Variants in RYR1 observed in about 807,000 individuals in gnomAD.
The protein encoded by RYR1 is ryanodine receptor 1.
Under a neutral mutation model 583.5 loss-of-function variants are expected in RYR1, and 342 were observed. The observed-to-expected ratio is 0.59, with a 90% CI of 0.54 to 0.64. The LOEUF is 0.64. RYR1 is among the 30% of genes least tolerant of loss of function. RYR1 has a pLI of 0.00. For synonymous variants in RYR1, 2,791 were observed against 2,822.5 expected (o/e 0.99, Z 0.35); for missense variants, 6,032 against 6,917.2 (o/e 0.87, Z 4.54).
At chr19:38,435,628 C>T (rs769094130) in intron 1 of RYR1, among the ~76,000 whole-genome samples, 5 of 152,026 alleles carry the variant, frequency 3.3e-5, no homozygotes, top group East Asian at 1.9e-4. Context: ...CTTAGCTACT[C>T]GGGAGGCTGA....
intron 20 of RYR1, among the ~76,000 whole-genome samples, chr19:38,461,907 G>T (rs1967773154): frequency 1.3e-5 from 2 of 151,564 alleles, no homozygotes; most frequent in Non-Finnish European, 2.9e-5. Context: ...ATACAAAAAT[G>T]AGCCAGGCAT....
chr19:38,584,126 A>G, intron 101 of RYR1, among the ~76,000 whole-genome samples: 1 of 151,968 alleles, frequency 6.6e-6, no homozygotes, highest in South Asian at 2.1e-4. Context: ...CCTAGGCTGG[A>G]TCAGATGCCT....
At position 38,516,211 on chromosome 19, in the gene RYR1, C is replaced by A. The variant is rs765250427; in HGVS notation, c.9679C>A (p.Arg3227=). The A allele has an allele frequency of 5.7e-6, 9 of 1,585,682 alleles. No individual in the cohort carries two copies. In the Admixed American group the frequency reaches 1.2e-4, roughly 22 times the overall value. Residue 3227 remains arginine, a synonymous_variant, in exon 65 of 106, where the codon CGG becomes AGG. Transcript: ENST00000359596. ...SVYTTKSPRE[R]AILGLPNSVE... is the part of the protein sequence containing the mutation. ...GTACACCACCAAGTCTCCGCGGGAG[C>A]GGGCCAGTAAGCTGTGTGGGGCGGG...
At chr19:38,527,189 A>G (rs1291199051) in intron 72 of RYR1, 137 bp downstream of exon 72, 5 of 937,144 alleles carry the variant, frequency 5.3e-6, no homozygotes, top group Non-Finnish European at 8.3e-6. Context: ...AGCCTGGCCA[A>G]TGTGGCGAAA....
At chr19:38,529,885 C>G (rs1328647544) in intron 76 of RYR1, among the ~76,000 whole-genome samples, 1 of 152,182 alleles carries the variant, frequency 6.6e-6, no homozygotes, top group Non-Finnish European at 1.5e-5. Context: ...TATATCCTCT[C>G]ACTTAACCGC....
Position 38,546,446 on chromosome 19 carries a change from A to T in RYR1, c.12014A>T (p.Asp4005Val). 6.2e-7 allele frequency: 1 copy of T among 1,613,652 alleles called. No homozygotes were observed. Among genetic ancestry groups the T allele is most frequent in the Non-Finnish European group, 8.5e-7 (1 of 1,179,854 alleles). ...FAHMMMKLAQDSSQIELLKEL... is the reference protein window; with the variant it reads ...FAHMMMKLAQVSSQIELLKEL... ...CCCTCACCGAGCTGGGATCTCTAGG[A>T]CTCAAGCCAGATCGAGCTGCTGAAG... Residue 4005 changes from aspartate to valine, a missense_variant and splice_region_variant, in exon 88 of 106, where the codon GAC becomes GTC. Around this residue, in one of 11 missense-constraint regions of RYR1, gnomAD observed 82 missense variants for 139.7 expected, o/e 0.59. Coordinates refer to ENST00000359596, the MANE Select transcript of RYR1 (RefSeq NM_000540.3).
intron 18 of RYR1, among the ~76,000 whole-genome samples, 180 bp from the exon 19 acceptor site, chr19:38,458,966 A>G (rs1967580682): frequency 6.6e-6 from 1 of 152,196 alleles, no homozygotes; most frequent in South Asian, 2.1e-4. Flanking sequence ...TCCTAACTTC[A>G]GGGGAACCCT....
intron 33 of RYR1, 81 bp from the exon 34 acceptor site, chr19:38,485,509 G>C: frequency 1.3e-6 from 2 of 1,562,022 alleles, no homozygotes; most frequent in Non-Finnish European, 1.7e-6. Flanking sequence ...AGTGATGAAG[G>C]AAATGGAGGA....
At chr19:38,476,379 A>G (rs971588391) in intron 29 of RYR1, among the ~76,000 whole-genome samples, 1 of 152,110 alleles carries the variant, frequency 6.6e-6, no homozygotes, top group Non-Finnish European at 1.5e-5. Flanking sequence ...TTGTGTTTTT[A>G]GTAGAAACGG....
chr19:38,478,329 G>A, intron 30 of RYR1, 106 bp from the exon 31 acceptor site: 1 of 1,276,094 alleles, frequency 7.8e-7, no homozygotes, highest in Non-Finnish European at 1.1e-6. Context: ...GGGTGTTTGG[G>A]GATGGGACTC....
At chr19:38,462,095 C>T (rs1036753868) in intron 20 of RYR1, among the ~76,000 whole-genome samples, 2 of 152,056 alleles carry the variant, frequency 1.3e-5, no homozygotes, top group African/African-American at 2.4e-5. Context: ...GCCTTCCCTC[C>T]AAGCATGTCC....
chr19:38,462,861 G>A (rs79666591), intron 20 of RYR1, among the ~76,000 whole-genome samples: 1,461 of 144,152 alleles, frequency 0.01, 22 homozygotes, highest in East Asian at 0.033. Flanking sequence ...AGACAGACCC[G>A]TCCCAGATAA....
intron 67 of RYR1, among the ~76,000 whole-genome samples, chr19:38,521,885 T>C (rs1043220393): frequency 6.6e-6 from 1 of 151,488 alleles, no homozygotes; most frequent in Non-Finnish European, 1.5e-5. Context: ...TTTTTTGTAT[T>C]TTTTAGTAGA....
Position 38,502,584 on chromosome 19 carries a change from G to A in RYR1, c.7692G>A (p.Lys2564=), listed in dbSNP as rs886038341. The A allele has an allele frequency of 6.2e-7, 1 of 1,612,566 alleles. No individual in the cohort carries two copies. Reference sequence around the variant, plus strand: ...TGGCCGTGCTGCCGCTCATCACCAAGTGTGCGCCGCTCTTTGCGGGCACAG... The same window carrying A: ...TGGCCGTGCTGCCGCTCATCACCAAATGTGCGCCGCTCTTTGCGGGCACAG... ...LCLAVLPLIT[K]CAPLFAGTEH... is the part of the protein sequence containing the mutation. Residue 2564 remains lysine, a synonymous_variant, in exon 48 of 106, where the codon AAG becomes AAA. Transcript: ENST00000359596.
At chr19:38,575,893 CACG>C (rs1318555051) in intron 96 of RYR1, 23 bp from the exon 97 acceptor site, 1 of 1,613,740 alleles carries the variant, frequency 6.2e-7, no homozygotes, top group African/African-American at 1.3e-5. Flanking sequence ...ATCTTATACT[CACG>C]CTTTCTCTCT....
rs201032965 is a variant in RYR1, at chr19:38,535,956, G to A, written c.11517-41G>A. The A allele has an allele frequency of 1.9e-4, 306 of 1,585,850 alleles. 1 individual carries two copies. The African/African-American group carries it at 3.6e-3, about 19-fold the overall frequency. ...GGCCCTGGGAGAGAGGAGGGCAGAG[G>A]CTTCATCACATACCCCCTATCTTTC... is the stretch of plus-strand genomic sequence containing the variant. On this transcript the variant is annotated intron_variant, in intron 81 of 105. Coordinates refer to ENST00000359596, the MANE Select transcript of RYR1 (RefSeq NM_000540.3).
intron 105 of RYR1, among the ~76,000 whole-genome samples, chr19:38,586,886 G>A (rs949370748): frequency 2.6e-5 from 4 of 152,140 alleles, no homozygotes; most frequent in African/African-American, 7.2e-5. Context: ...TGGGAGAATC[G>A]CTTGAACCCA....
chr19:38,523,350 C>T (rs772162296), intron 69 of RYR1, 41 bp downstream of exon 69: 40 of 1,611,178 alleles, frequency 2.5e-5, no homozygotes, highest in Non-Finnish European at 3.2e-5. Context: ...GCAGAGAGGG[C>T]GGGAGCACCC....
chr19:38,478,321 G>A, intron 30 of RYR1, 114 bp from the exon 31 acceptor site: 2 of 1,160,994 alleles, frequency 1.7e-6, no homozygotes, highest in Non-Finnish European at 2.5e-6. Flanking sequence ...CAGGCGGTGG[G>A]TGTTTGGGGA....
Sources: allele counts gnomAD v4.1 joint callset (sites outside exome capture counted in the v4.1 genomes callset), GRCh38; gene constraint gnomAD v4.1.1; regional missense constraint gnomAD v4.1.1; transcripts MANE v1.5; gene names NCBI Gene and HGNC (gene_info 2026-07-23, HGNC 2026-07-21).